The following CNTN1 variants were observed in gnomAD, a reference collection of about 807,000 sequenced individuals.
CNTN1 encodes the protein contactin-1.
Under a neutral mutation model 126.4 loss-of-function variants are expected in CNTN1, and 38 were observed. The observed-to-expected ratio is 0.30, with a 90% CI of 0.23 to 0.39. The LOEUF is 0.39. Ranked by LOEUF, CNTN1 falls within the 10% of genes least tolerant of loss-of-function variation. The probability of loss-of-function intolerance (pLI) is 1.00; values close to 1 mark genes in which losing one functional copy is unlikely to be tolerated. For synonymous variants in CNTN1, 413 were observed against 422.6 expected, an observed-to-expected ratio of 0.98 and a Z score of 0.28; for missense variants, 1,009 against 1,248.4, an observed-to-expected ratio of 0.81 and a Z score of 2.89.
At chr12:40,902,871 A>T (rs558386430) in intron 1 of CNTN1, among the ~76,000 whole-genome samples, 1 of 152,318 alleles carries the variant, frequency 6.6e-6, no homozygotes, top group South Asian at 2.1e-4. Flanking sequence ...AGAAAAATGC[A>T]TATCTAGATA....
chr12:41,066,466 G>A (rs913458980), intron 23 of CNTN1, among the ~76,000 whole-genome samples: 1 of 152,112 alleles, frequency 6.6e-6, no homozygotes, highest in African/African-American at 2.4e-5. Flanking sequence ...ATTATAGGTT[G>A]AGTACTTTCT....
At chr12:40,791,407 A>G (rs1425677653) in intron 1 of CNTN1, among the ~76,000 whole-genome samples, 2 of 152,090 alleles carry the variant, frequency 1.3e-5, no homozygotes, top group African/African-American at 4.8e-5. Context: ...TACCACTTGA[A>G]TTGTTCTTTG....
At chr12:41,069,846 G>A (rs1950126745) in intron 23 of CNTN1, 113 bp from the exon 24 acceptor site, 2 of 800,432 alleles carry the variant, frequency 2.5e-6, no homozygotes, top group South Asian at 2.8e-5. Flanking sequence ...TTTTGTGAAA[G>A]GACCCATTTG....
intron 1 of CNTN1, among the ~76,000 whole-genome samples, chr12:40,693,196 C>T (rs1489322405): frequency 6.6e-6 from 1 of 152,192 alleles, no homozygotes; most frequent in Non-Finnish European, 1.5e-5. Flanking sequence ...CGATTAATTA[C>T]GTCTCCGTTG....
In CNTN1 at chr12:40,886,795, G is replaced by C. The variant is rs560893642; in HGVS notation, c.-76-21562G>C. Reference sequence around the variant, plus strand: ...TCAGCTTTCTACATATGGCTAGCCAGTTTTCCCAGCACCATTTATTAAATA... The same window carrying C: ...TCAGCTTTCTACATATGGCTAGCCACTTTTCCCAGCACCATTTATTAAATA... On this transcript the variant is annotated intron_variant, in intron 1 of 23. Coordinates refer to ENST00000551295, the MANE Select transcript of CNTN1 (RefSeq NM_001843.4). Among the ~76,000 whole-genome samples the C allele has an allele frequency of 4.2e-3, 642 of 152,230 alleles. 3 individuals carry two copies. Among genetic ancestry groups the C allele is most frequent in the African/African-American group, 0.014 (599 of 41,560 alleles).
chr12:40,761,581 G>T (rs890064641), intron 1 of CNTN1, among the ~76,000 whole-genome samples: 5 of 152,048 alleles, frequency 3.3e-5, no homozygotes, highest in African/African-American at 9.7e-5. Context: ...ACTTTAAAAG[G>T]TAAGGTTTTT....
chr12:40,790,323 ATG>A (rs1940172115), intron 1 of CNTN1, among the ~76,000 whole-genome samples: 1 of 152,056 alleles, frequency 6.6e-6, no homozygotes, highest in Non-Finnish European at 1.5e-5. Context: ...GGGCAGTGTT[ATG>A]GATAGGAAGC....
chr12:41,062,169 G>C (rs1296304005), intron 23 of CNTN1, among the ~76,000 whole-genome samples: 1 of 151,980 alleles, frequency 6.6e-6, no homozygotes, highest in Non-Finnish European at 1.5e-5. Context: ...ACTTTATTTT[G>C]TCAAAGTCAT....
At chr12:40,801,605 G>A (rs1384066154) in intron 1 of CNTN1, among the ~76,000 whole-genome samples, 9 of 151,792 alleles carry the variant, frequency 5.9e-5, no homozygotes, top group African/African-American at 2.2e-4. Flanking sequence ...GACAAGGAGC[G>A]TAAGTTTCAT....
chr12:40,962,278 C>T (rs1947130342), intron 15 of CNTN1, among the ~76,000 whole-genome samples: 1 of 152,002 alleles, frequency 6.6e-6, no homozygotes, highest in East Asian at 1.9e-4. Context: ...CATGTGTGCA[C>T]GCATTTGTAA....
intron 1 of CNTN1, among the ~76,000 whole-genome samples, chr12:40,834,934 TC>T (rs1322306245): frequency 1.3e-5 from 2 of 152,170 alleles, no homozygotes; most frequent in African/African-American, 4.8e-5. Flanking sequence ...GTTTTGGGTT[TC>T]CTATAAATTG....
intron 15 of CNTN1, among the ~76,000 whole-genome samples, chr12:40,964,869 G>T (rs531395048): frequency 2.0e-5 from 3 of 152,178 alleles, no homozygotes; most frequent in Admixed American, 6.6e-5. Flanking sequence ...GTTGCCTAAA[G>T]GTCTTTTCTA....
At position 41,015,810 on chromosome 12, in the gene CNTN1, A is replaced by C. The variant is rs114622078; in HGVS notation, c.2185-872A>C. Among the ~76,000 whole-genome samples the C allele has an allele frequency of 9.4e-3, 1,429 of 152,230 alleles. 22 individuals are homozygous for C. The highest frequency in any genetic ancestry group is 0.032 in the African/African-American group (1,324 of 41,560). Reference sequence around the variant, plus strand: ...ACAAGTACTCACTAGAAGTAGCTGTAAGTCAGTTTTTATTAATAATAGGTG... The same window carrying C: ...ACAAGTACTCACTAGAAGTAGCTGTCAGTCAGTTTTTATTAATAATAGGTG... On this transcript the variant is annotated intron_variant, in intron 18 of 23. Coordinates refer to ENST00000551295, the MANE Select transcript of CNTN1 (RefSeq NM_001843.4).
intron 1 of CNTN1, among the ~76,000 whole-genome samples, chr12:40,879,001 T>A (rs1943780620): frequency 6.6e-6 from 1 of 152,136 alleles, no homozygotes; most frequent in Non-Finnish European, 1.5e-5. Flanking sequence ...ATTATAATAT[T>A]ACAAAAATAA....
At chr12:40,862,721 C>T (rs1490986955) in intron 1 of CNTN1, among the ~76,000 whole-genome samples, 1 of 152,088 alleles carries the variant, frequency 6.6e-6, no homozygotes, top group Admixed American at 6.6e-5. Flanking sequence ...AAAAAAATCT[C>T]CTTGTTATTT....
intron 15 of CNTN1, among the ~76,000 whole-genome samples, chr12:40,970,235 C>T (rs1364677378): frequency 1.3e-5 from 2 of 151,978 alleles, no homozygotes; most frequent in East Asian, 1.9e-4. Context: ...CTGTTCACAG[C>T]ACCCCCTTTT....
chr12:40,906,283 A>C (rs1435741714), intron 1 of CNTN1, among the ~76,000 whole-genome samples: 1 of 152,226 alleles, frequency 6.6e-6, no homozygotes, highest in African/African-American at 2.4e-5. Flanking sequence ...AAGAAAAAAA[A>C]ATTGCTTTTC....
intron 23 of CNTN1, among the ~76,000 whole-genome samples, chr12:41,061,582 T>A (rs1949939825): frequency 6.6e-6 from 1 of 152,200 alleles, no homozygotes. Context: ...TTAATGTATA[T>A]TTATAAACTA....
intron 1 of CNTN1, among the ~76,000 whole-genome samples, chr12:40,782,545 T>C (rs529144324): frequency 1.2e-4 from 19 of 152,066 alleles, no homozygotes; most frequent in African/African-American, 4.3e-4. Flanking sequence ...CCACTTTGGA[T>C]CATTTCTAGT....
Sources: allele counts gnomAD v4.1 joint callset (sites outside exome capture counted in the v4.1 genomes callset), GRCh38; gene constraint gnomAD v4.1.1; transcripts MANE v1.5; gene names NCBI Gene and HGNC (gene_info 2026-07-23, HGNC 2026-07-21).